DYM: variants seen among roughly 807,000 people sequenced by gnomAD.
DYM encodes the protein dyggve-Melchior-Clausen syndrome protein.
Under a neutral mutation model 93.1 loss-of-function variants are expected in DYM, and 78 were observed. The ratio of observed to expected loss-of-function variants is 0.84; its 90% confidence interval spans 0.70 to 1.01. DYM has a LOEUF of 1.01. DYM is among the 50% of genes least tolerant of loss of function. The pLI, the probability that DYM is intolerant of heterozygous loss-of-function variation, is 0.00. For synonymous variants in DYM, 321 were observed against 319.7 expected (o/e 1.00, Z -0.04); for missense variants, 789 against 845.0 (o/e 0.93, Z 0.82).
intron 15 of DYM, among the ~76,000 whole-genome samples, chr18:49,125,806 C>T (rs1398017442): frequency 6.6e-6 from 1 of 152,222 alleles, no homozygotes; most frequent in Non-Finnish European, 1.5e-5. Context: ...AAAGGCTCCT[C>T]ATTCTTTCTA....
At chr18:49,440,482 A>C (rs2081264841) in intron 1 of DYM, among the ~76,000 whole-genome samples, 1 of 89,182 alleles carries the variant, frequency 1.1e-5, no homozygotes, top group Admixed American at 1.8e-4. Context: ...ACTATATATT[A>C]TATATTTATA....
chr18:49,148,086 C>T (rs567337129), intron 15 of DYM, among the ~76,000 whole-genome samples: 65 of 152,164 alleles, frequency 4.3e-4, no homozygotes, highest in Admixed American at 9.2e-4. Context: ...AGCAAACTAT[C>T]GCAAGGACAA....
intron 15 of DYM, among the ~76,000 whole-genome samples, chr18:49,140,394 T>C (rs1823178): frequency 0.15 from 22,775 of 152,192 alleles, 2,099 homozygotes; most frequent in East Asian, 0.23. Context: ...AGGCTTATTA[T>C]ATAATGTAAG....
At chr18:49,359,627 T>G (rs573226954) in intron 6 of DYM, 2 of 152,338 alleles carry the variant, frequency 1.3e-5, no homozygotes, top group South Asian at 4.1e-4. Context: ...CATGTATGTG[T>G]CCGTGGTAAA....
chr18:49,254,454 AC>A (rs1216102562), intron 13 of DYM, among the ~76,000 whole-genome samples: 5 of 152,004 alleles, frequency 3.3e-5, no homozygotes, highest in African/African-American at 1.2e-4. Context: ...TATTATGCTA[AC>A]TAACAATCTA....
intron 16 of DYM, among the ~76,000 whole-genome samples, chr18:49,100,185 A>G (rs1222346535): frequency 6.6e-6 from 1 of 152,188 alleles, no homozygotes; most frequent in Non-Finnish European, 1.5e-5. Context: ...TTATTTTTAG[A>G]TGAATAAATA....
intron 17 of DYM, among the ~76,000 whole-genome samples, chr18:49,087,086 A>T (rs1462636347): frequency 6.6e-6 from 1 of 152,178 alleles, no homozygotes; most frequent in South Asian, 2.1e-4. Flanking sequence ...GAAGATGGCC[A>T]TCTATAAACC....
intron 15 of DYM, among the ~76,000 whole-genome samples, chr18:49,162,359 T>C (rs11082736): frequency 0.17 from 25,554 of 152,078 alleles, 2,378 homozygotes; most frequent in Admixed American, 0.24. Flanking sequence ...AGAACCTTCT[T>C]GCTAGTGGTG....
intron 8 of DYM, among the ~76,000 whole-genome samples, chr18:49,315,683 A>G (rs2061885971): frequency 6.6e-6 from 1 of 152,250 alleles, no homozygotes; most frequent in Admixed American, 6.5e-5. Context: ...TAATTCTGCC[A>G]GAATCTTAAA....
At chr18:49,093,988 T>C (rs2079317120) in intron 17 of DYM, among the ~76,000 whole-genome samples, 1 of 152,252 alleles carries the variant, frequency 6.6e-6, no homozygotes, top group African/African-American at 2.4e-5. Context: ...TTTTAATTCC[T>C]ATGACTTATC....
intron 2 of DYM, among the ~76,000 whole-genome samples, chr18:49,415,631 T>C (rs950035237): frequency 3.3e-5 from 5 of 152,018 alleles, no homozygotes; most frequent in African/African-American, 1.2e-4. Flanking sequence ...GTAGCCTTTA[T>C]AAAAAGTAGG....
chr18:49,115,208 T>C (rs2081820681), intron 16 of DYM, among the ~76,000 whole-genome samples: 1 of 152,202 alleles, frequency 6.6e-6, no homozygotes, highest in Non-Finnish European at 1.5e-5. Context: ...TAGTGATGAT[T>C]AGAAAAGAAG....
intron 3 of DYM, among the ~76,000 whole-genome samples, chr18:49,384,343 AG>A (rs1431156000): frequency 0.015 from 1,893 of 129,704 alleles, 56 homozygotes; most frequent in African/African-American, 0.051. Flanking sequence ...AAAAAAAAAA[AG>A]GCTGGGTGCA....
chr18:49,326,992 C>CGTGTGTGTGT (rs10584298), intron 8 of DYM, among the ~76,000 whole-genome samples: 23 of 93,372 alleles, frequency 2.5e-4, no homozygotes, highest in African/African-American at 8.0e-4. Flanking sequence ...TTTAAAAAAC[C>CGTGTGTGTGT]GTGTGTGTGT....
intron 1 of DYM, among the ~76,000 whole-genome samples, chr18:49,455,946 C>CAA (rs34970715): frequency 1.1e-4 from 16 of 140,140 alleles, no homozygotes; most frequent in East Asian, 8.1e-4. Context: ...CAGACTGTCT[C>CAA]AAAAAAAAAA....
At chr18:49,423,881 G>A (rs1198342639) in intron 2 of DYM, among the ~76,000 whole-genome samples, 1 of 152,098 alleles carries the variant, frequency 6.6e-6, no homozygotes, top group Admixed American at 6.6e-5. Flanking sequence ...CCAATAACAG[G>A]CTCTGAAATT....
At chr18:49,152,347 A>G (rs17196970) in intron 15 of DYM, among the ~76,000 whole-genome samples, 56,895 of 152,026 alleles carry the variant, frequency 0.37, 12,707 homozygotes, top group Middle Eastern at 0.58. Context: ...CTCCAACTCA[A>G]TATTGTCCTT....
intron 5 of DYM, among the ~76,000 whole-genome samples, chr18:49,373,651 G>T (rs2067240231): frequency 6.6e-6 from 1 of 152,146 alleles, no homozygotes; most frequent in Admixed American, 6.5e-5. Flanking sequence ...TAGCCTGGTA[G>T]GTTTCAACTT....
intron 13 of DYM, among the ~76,000 whole-genome samples, chr18:49,240,208 G>A (rs2093977041): frequency 6.6e-6 from 1 of 152,100 alleles, no homozygotes; most frequent in African/African-American, 2.4e-5. Context: ...ATACAGACAT[G>A]CTCACATCCA....
Sources: gnomAD v4.1 joint callset for allele counts (sites outside exome capture counted in the v4.1 genomes callset) on GRCh38, gnomAD v4.1.1 for gene constraint, MANE v1.5 for transcripts, NCBI Gene and HGNC (gene_info 2026-07-23, HGNC 2026-07-21) for gene names.